KIAA0825: variants seen among roughly 807,000 people sequenced by gnomAD.
The protein encoded by KIAA0825 is KIAA0825.
In KIAA0825, 119 loss-of-function variants were observed where a neutral mutation model predicts 147.6. The ratio of observed to expected loss-of-function variants is 0.81; its 90% CI spans 0.69 to 0.94. The LOEUF (loss-of-function observed/expected upper bound fraction) is 0.94. Among genes scored for constraint, KIAA0825 ranks in the 40% least tolerant of loss-of-function variants. KIAA0825 has a pLI of 0.00. For synonymous variants in KIAA0825, 470 were observed against 518.1 expected (o/e 0.91, Z 1.26); for missense variants, 1,381 against 1,472.7 (o/e 0.94, Z 1.02).
intron 18 of KIAA0825, 36 bp from the exon 19 acceptor site, chr5:94,386,440 G>A: frequency 6.7e-7 from 1 of 1,501,138 alleles, no homozygotes; most frequent in Non-Finnish European, 9.0e-7. Flanking sequence ...GTGACGGTGA[G>A]AAGCAGACAT....
chr5:94,352,760 T>C (rs975927539), intron 20 of KIAA0825, among the ~76,000 whole-genome samples: 4 of 152,174 alleles, frequency 2.6e-5, no homozygotes, highest in African/African-American at 9.7e-5. Flanking sequence ...AAGGAATGAA[T>C]TAACAGCATT....
chr5:94,321,325 T>A (rs1780178176), intron 20 of KIAA0825, among the ~76,000 whole-genome samples: 1 of 152,024 alleles, frequency 6.6e-6, no homozygotes. Context: ...AATAAAATTA[T>A]CTTTAAATAT....
chr5:94,508,823 C>T (rs2151153932), intron 5 of KIAA0825, among the ~76,000 whole-genome samples: 1 of 152,280 alleles, frequency 6.6e-6, no homozygotes, highest in South Asian at 2.1e-4. Context: ...ACCCCTGAGG[C>T]CTGGTGCTAC....
intron 13 of KIAA0825, among the ~76,000 whole-genome samples, chr5:94,447,465 G>A (rs1757874867): frequency 6.6e-6 from 1 of 151,996 alleles, no homozygotes. Context: ...CAAGATGGAG[G>A]GAGTAGACAA....
At chr5:94,420,204 C>T (rs577292167) in intron 14 of KIAA0825, among the ~76,000 whole-genome samples, 6 of 152,106 alleles carry the variant, frequency 3.9e-5, no homozygotes, top group Non-Finnish European at 8.8e-5. Context: ...ATCAACAGAG[C>T]ATGAATAATA....
intron 20 of KIAA0825, among the ~76,000 whole-genome samples, chr5:94,340,796 G>T (rs1782292996): frequency 6.6e-6 from 1 of 152,178 alleles, no homozygotes; most frequent in Non-Finnish European, 1.5e-5. Context: ...ATGGAGTCAG[G>T]TTGTAGTGGA....
chr5:94,246,809 G>C (rs1775645387), intron 20 of KIAA0825, among the ~76,000 whole-genome samples: 1 of 152,120 alleles, frequency 6.6e-6, no homozygotes, highest in Non-Finnish European at 1.5e-5. Context: ...GCAAAGCCAA[G>C]ATCCAAACCC....
At chr5:94,255,998 G>A (rs1287332362) in intron 20 of KIAA0825, among the ~76,000 whole-genome samples, 1 of 151,934 alleles carries the variant, frequency 6.6e-6, no homozygotes, top group African/African-American at 2.4e-5. Flanking sequence ...ACAGATGTAA[G>A]CCACCACACT....
chr5:94,373,919 AAT>A (rs139913864), intron 20 of KIAA0825, among the ~76,000 whole-genome samples: 3,278 of 152,320 alleles, frequency 0.022, 67 homozygotes, highest in South Asian at 0.066. Flanking sequence ...ACAGATATCC[AAT>A]AGTCATCAAT....
chr5:94,227,289 T>A (rs1241498807), intron 20 of KIAA0825, among the ~76,000 whole-genome samples: 1 of 151,530 alleles, frequency 6.6e-6, no homozygotes, highest in Non-Finnish European at 1.5e-5. Context: ...CAGTAAACTA[T>A]CGCAAGAACA....
intron 20 of KIAA0825, among the ~76,000 whole-genome samples, chr5:94,309,605 G>T (rs570717986): frequency 6.6e-6 from 1 of 151,690 alleles, no homozygotes; most frequent in Non-Finnish European, 1.5e-5. Flanking sequence ...ACTCAGCATT[G>T]AGCCTTCAAT....
At chr5:94,412,483 C>G (rs1752892531) in intron 15 of KIAA0825, among the ~76,000 whole-genome samples, 1 of 152,060 alleles carries the variant, frequency 6.6e-6, no homozygotes, top group Non-Finnish European at 1.5e-5. Context: ...TCACTGCAAG[C>G]TCCACCTCCT....
chr5:94,431,901 G>A (rs780220106), intron 14 of KIAA0825, among the ~76,000 whole-genome samples: 4 of 152,134 alleles, frequency 2.6e-5, no homozygotes, highest in Non-Finnish European at 5.9e-5. Context: ...GGACAAGTTG[G>A]CCACATCTAG....
At chr5:94,492,129 G>A (rs1345754446) in intron 5 of KIAA0825, among the ~76,000 whole-genome samples, 5 of 152,156 alleles carry the variant, frequency 3.3e-5, no homozygotes, top group Non-Finnish European at 7.4e-5. Flanking sequence ...CACTTCTGGT[G>A]TCGCCATCCC....
At chr5:94,519,620 A>G (rs1462278502) in intron 5 of KIAA0825, 1 of 601,686 alleles carries the variant, frequency 1.7e-6, no homozygotes. Flanking sequence ...AAAATGTTAT[A>G]CCTTCCTAAT....
chr5:94,560,750 T>C (rs1777403277), intron 2 of KIAA0825, among the ~76,000 whole-genome samples: 2 of 152,212 alleles, frequency 1.3e-5, no homozygotes, highest in Non-Finnish European at 2.9e-5. Flanking sequence ...GCAACCAGTG[T>C]CGCAGATTTG....
rs570586778 is a variant in KIAA0825, at chr5:94,196,142, T to C, written c.3711-42018A>G. ...TTAGCCAGGTTAATTCTGAGGTGTG[T>C]TTTATACTATTTCCAAGGCATTCCT... is the stretch of plus-strand genomic sequence containing the variant. On this transcript the variant is annotated intron_variant, in intron 20 of 20. Coordinates refer to ENST00000682413, the MANE Select transcript of KIAA0825 (RefSeq NM_001145678.3). Among the ~76,000 whole-genome samples the C allele has an allele frequency of 1.1e-4, 17 of 152,238 alleles. 1 individual carries two copies. The East Asian group carries it at 3.3e-3, about 29-fold the overall frequency.
rs558351491 is a variant in KIAA0825, at chr5:94,297,639, G to A, written c.3710+86729C>T. 9.9e-5 allele frequency among the ~76,000 whole-genome samples: 15 copies of A among 151,838 alleles called. No individual in the cohort carries two copies. The East Asian group carries it at 1.4e-3, about 14-fold the overall frequency. On this transcript the variant is annotated intron_variant, in intron 20 of 20. Transcript: ENST00000682413. Reference sequence around the variant, plus strand: ...GAGATAGAGTCTCAATCTGTCGCCCGGGCTAGAGTGCAGTGGCGCAATCCT... The same window carrying A: ...GAGATAGAGTCTCAATCTGTCGCCCAGGCTAGAGTGCAGTGGCGCAATCCT...
At chr5:94,268,936 C>T (rs980547237) in intron 20 of KIAA0825, among the ~76,000 whole-genome samples, 22 of 152,110 alleles carry the variant, frequency 1.4e-4, no homozygotes, top group Admixed American at 1.3e-3. Context: ...GTGTCATGTG[C>T]ATAATAGGTG....
Sources: allele counts gnomAD v4.1 joint callset (sites outside exome capture counted in the v4.1 genomes callset), GRCh38; gene constraint gnomAD v4.1.1; transcripts MANE v1.5; gene names NCBI Gene and HGNC (gene_info 2026-07-23, HGNC 2026-07-21).